Variants in C12orf42 observed in about 807,000 individuals in gnomAD.
C12orf42 encodes the protein uncharacterized protein C12orf42.
In C12orf42, 25 loss-of-function variants were observed where a neutral mutation model predicts 21.6. The ratio of observed to expected loss-of-function variants is 1.16; its 90% CI spans 0.84 to 1.62. The LOEUF (loss-of-function observed/expected upper bound fraction) is 1.62. C12orf42 is among the 40% of genes most tolerant of loss of function. C12orf42 has a pLI of 0.00. For synonymous variants in C12orf42, 174 were observed against 175.0 expected, an observed-to-expected ratio of 0.99 and a Z score of 0.05; for missense variants, 483 against 459.3, an observed-to-expected ratio of 1.05 and a Z score of -0.47.
At chr12:103,444,281 G>A (rs1014048669) in intron 2 of C12orf42, among the ~76,000 whole-genome samples, 1 of 151,934 alleles carries the variant, frequency 6.6e-6, no homozygotes, top group Admixed American at 6.6e-5. Context: ...AGCCCCACGT[G>A]GGATTCATGG....
intron 2 of C12orf42, among the ~76,000 whole-genome samples, chr12:103,417,110 A>C (rs1378448776): frequency 6.6e-6 from 1 of 152,232 alleles, no homozygotes; most frequent in Non-Finnish European, 1.5e-5. Flanking sequence ...TTTAGGAGAC[A>C]GTCAACATTG....
At chr12:103,496,849 CT>C (rs72294775), upstream of C12orf42, among the ~76,000 whole-genome samples, 29,230 of 141,296 alleles carry the variant, frequency 0.21, 4,214 homozygotes, top group East Asian at 0.48. Flanking sequence ...TTTAAAGACT[CT>C]TGAGTCTTGT....
chr12:103,339,252 T>C (rs780865849), intron 4 of C12orf42, among the ~76,000 whole-genome samples: 23 of 152,244 alleles, frequency 1.5e-4, no homozygotes, highest in Non-Finnish European at 2.6e-4. Flanking sequence ...AGATTTGTTA[T>C]GTAAGTAAAC....
the C12orf42 span, among the ~76,000 whole-genome samples, chr12:103,531,275 G>A: frequency 6.6e-6 from 1 of 152,176 alleles, no homozygotes. Flanking sequence ...GAGAGTTTAA[G>A]CTTCCATTTT....
At chr12:103,420,209 A>G (rs1403110769) in intron 2 of C12orf42, among the ~76,000 whole-genome samples, 4 of 152,182 alleles carry the variant, frequency 2.6e-5, no homozygotes, top group Admixed American at 1.3e-4. Flanking sequence ...CAGCTTGATA[A>G]TTAACATTTC....
the C12orf42 span, among the ~76,000 whole-genome samples, chr12:103,068,197 C>G: frequency 6.6e-6 from 1 of 152,306 alleles, no homozygotes; most frequent in Non-Finnish European, 1.5e-5. Flanking sequence ...TTTCCTCCTT[C>G]TTTTGTTAAA....
chr12:103,070,423 C>G, the C12orf42 span, among the ~76,000 whole-genome samples: 1 of 151,984 alleles, frequency 6.6e-6, no homozygotes, highest in Non-Finnish European at 1.5e-5. Context: ...AGCCTTTCAT[C>G]TTTGCAATTC....
intron 6 of C12orf42, among the ~76,000 whole-genome samples, chr12:103,269,616 A>G (rs144766665): frequency 1.4e-4 from 22 of 152,310 alleles, no homozygotes; most frequent in Non-Finnish European, 3.1e-4. Flanking sequence ...TTCTAAATTT[A>G]TCAAATTCAA....
chr12:103,555,210 A>G, the C12orf42 span, among the ~76,000 whole-genome samples: 1 of 152,154 alleles, frequency 6.6e-6, no homozygotes, highest in African/African-American at 2.4e-5. Flanking sequence ...GGGGGAAAAA[A>G]GAGGTTTAAT....
intron 1 of C12orf42, among the ~76,000 whole-genome samples, chr12:103,482,414 A>G (rs12319950): frequency 0.21 from 32,595 of 152,080 alleles, 4,060 homozygotes; most frequent in East Asian, 0.36. Context: ...TAAAGATCGT[A>G]GTCAGTCTGT....
At chr12:103,099,714 T>C in the C12orf42 span, among the ~76,000 whole-genome samples, 1 of 152,220 alleles carries the variant, frequency 6.6e-6, no homozygotes, top group African/African-American at 2.4e-5. Context: ...GAAACCATTT[T>C]CTAGTGCTTC....
At chr12:103,387,715 A>G (rs2046730977) in intron 3 of C12orf42, among the ~76,000 whole-genome samples, 1 of 152,208 alleles carries the variant, frequency 6.6e-6, no homozygotes, top group East Asian at 1.9e-4. Context: ...ACTGGAAACT[A>G]TCTTTCGTCT....
the C12orf42 span, chr12:103,081,121 T>C: frequency 6.6e-6 from 1 of 152,362 alleles, no homozygotes; most frequent in South Asian, 2.1e-4. Flanking sequence ...GACTTCCCAC[T>C]TGGTAAATCC....
chr12:103,064,206 G>T, the C12orf42 span, among the ~76,000 whole-genome samples: 2 of 152,192 alleles, frequency 1.3e-5, no homozygotes, highest in Non-Finnish European at 2.9e-5. Flanking sequence ...CTGCATCTTT[G>T]CAGAGCCCTG....
At chr12:103,419,183 G>A (rs1056152054) in intron 2 of C12orf42, among the ~76,000 whole-genome samples, 18 of 152,074 alleles carry the variant, frequency 1.2e-4, no homozygotes, top group Non-Finnish European at 2.2e-4. Flanking sequence ...AGGCTAAAGA[G>A]GAAACAGAGT....
At chr12:103,077,294 A>G in the C12orf42 span, among the ~76,000 whole-genome samples, 1 of 152,246 alleles carries the variant, frequency 6.6e-6, no homozygotes, top group Non-Finnish European at 1.5e-5. Flanking sequence ...CAGCCAACAG[A>G]AAAGTGCAAA....
At chr12:103,103,159 T>C in the C12orf42 span, among the ~76,000 whole-genome samples, 1 of 152,190 alleles carries the variant, frequency 6.6e-6, no homozygotes, top group South Asian at 2.1e-4. Context: ...AAGGGAGCCA[T>C]CATATCCATA....
rs560578164 is a variant in C12orf42 at position 103,449,805 on chromosome 12, G to GA, written c.78+28543dup. Among the ~76,000 whole-genome samples, 419 of 135,040 alleles carry GA rather than the reference G, an allele frequency of 3.1e-3. 6 individuals are homozygous for GA. Among genetic ancestry groups the GA allele is most frequent in the African/African-American group, 9.5e-3 (324 of 34,048 alleles). 88.6% of individuals were successfully genotyped at this position (135,040 alleles called of 152,430 possible). ...TTAGAATTTTTTTCTAGTTCCATTT[G>GA]AAAAAAAAAAAAAAGCATTCACTCA... On this transcript the variant is annotated intron_variant, in intron 2 of 5. Coordinates refer to ENST00000548883, the MANE Select transcript of C12orf42 (RefSeq NM_198521.5).
At chr12:103,116,585 T>C in the C12orf42 span, among the ~76,000 whole-genome samples, 2 of 152,072 alleles carry the variant, frequency 1.3e-5, no homozygotes, top group Non-Finnish European at 2.9e-5. Context: ...TGAGTATTCA[T>C]TGTGTACTCA....
Sources: gnomAD v4.1 joint callset for allele counts (sites outside exome capture counted in the v4.1 genomes callset) on GRCh38, gnomAD v4.1.1 for gene constraint, MANE v1.5 for transcripts, NCBI Gene and HGNC (gene_info 2026-07-23, HGNC 2026-07-21) for gene names.